LRTM1: variants seen among roughly 807,000 people sequenced by gnomAD.
LRTM1 encodes leucine rich repeat transmembrane protein 1.
Under a neutral mutation model 32.4 loss-of-function variants are expected in LRTM1, and 38 were observed. That is an observed-to-expected ratio of 1.17 (90% CI 0.91 to 1.54). LRTM1 has a LOEUF of 1.54. Ranked by LOEUF, LRTM1 falls within the 40% of genes most tolerant of loss-of-function variation. The probability of loss-of-function intolerance (pLI) is 0.00; values close to 1 mark genes in which losing one functional copy is unlikely to be tolerated. For missense variants in LRTM1, 466 were observed against 415.4 expected, an observed-to-expected ratio of 1.12 and a Z score of -1.06; for synonymous variants, 186 against 169.9, an observed-to-expected ratio of 1.09 and a Z score of -0.74.
At chr3:54,918,987 T>TG in intron 2 of LRTM1, 95 bp from the exon 3 acceptor site, 1 of 989,888 alleles carries the variant, frequency 1.0e-6, no homozygotes, top group Admixed American at 4.1e-5. Flanking sequence ...ATGGAATTTA[T>TG]GAAGTACCTT....
intron 1 of LRTM1, among the ~76,000 whole-genome samples, chr3:54,936,199 C>T (rs1701324522): frequency 6.6e-6 from 1 of 151,794 alleles, no homozygotes; most frequent in Non-Finnish European, 1.5e-5. Flanking sequence ...TAGTAATATA[C>T]ATTAGCTAGT....
At chr3:54,938,468 A>C (rs1161773535) in intron 1 of LRTM1, among the ~76,000 whole-genome samples, 1 of 152,156 alleles carries the variant, frequency 6.6e-6, no homozygotes, top group Non-Finnish European at 1.5e-5. Context: ...ACATAATCCT[A>C]GTTGGTGTTC....
Position 54,924,748 on chromosome 3 carries a change from G to A in LRTM1, c.475C>T (p.Gln159Ter), listed in dbSNP as rs1364372228. 3.1e-6 allele frequency: 5 copies of A among 1,614,028 alleles called. No homozygotes were observed. The Admixed American group carries it at 8.3e-5, about 27-fold the overall frequency. The change falls in exon 2 of 3, where the codon CAG becomes TAG. Residue 159 changes from glutamine to a stop codon, truncating the protein, a stop_gained. Transcript: ENST00000273286. LOFTEE classifies it high-confidence loss of function. The stretch of plus-strand genomic sequence containing the variant: ...TCCAGGAGCGCTCGATCAAGCTGCT[G>A]AAGCTGGTTTTGTTGAACCGCAAGT... Reference protein sequence around the residue: ...TILAVQQNQLQQLDRALLESM... With the variant: ...TILAVQQNQL
chr3:54,935,522 G>A (rs948102846), intron 1 of LRTM1, among the ~76,000 whole-genome samples: 22 of 152,170 alleles, frequency 1.4e-4, no homozygotes, highest in African/African-American at 4.3e-4. Context: ...GCCTCACAGT[G>A]ACACGTTGTT....
chr3:54,939,464 A>T (rs576907091), intron 1 of LRTM1, among the ~76,000 whole-genome samples: 4 of 152,308 alleles, frequency 2.6e-5, no homozygotes, highest in Admixed American at 2.6e-4. Flanking sequence ...AAGGGCCAAG[A>T]CATTCACCTT....
upstream of LRTM1, among the ~76,000 whole-genome samples, chr3:54,929,832 C>T (rs1701141149): frequency 2.6e-5 from 4 of 152,144 alleles, no homozygotes; most frequent in Admixed American, 2.0e-4. Flanking sequence ...GAAATACATA[C>T]ATAACCATCA....
chr3:54,923,509 C>G (rs949492480), intron 2 of LRTM1, among the ~76,000 whole-genome samples: 4 of 152,210 alleles, frequency 2.6e-5, no homozygotes. Context: ...CTTCCCCTGC[C>G]TCATTGTTTC....
intron 1 of LRTM1, among the ~76,000 whole-genome samples, chr3:54,963,345 T>C (rs968834153): frequency 1.3e-5 from 2 of 152,110 alleles, no homozygotes; most frequent in African/African-American, 2.4e-5. Context: ...CCATTTCTTT[T>C]CTATGGTTCC....
At chr3:54,966,188 G>T (rs942347681) in intron 1 of LRTM1, among the ~76,000 whole-genome samples, 3 of 152,074 alleles carry the variant, frequency 2.0e-5, no homozygotes, top group African/African-American at 7.2e-5. Flanking sequence ...GAGATGACAG[G>T]TGGGCCCAGG....
At chr3:54,960,477 CTG>C (rs1702004946) in intron 1 of LRTM1, among the ~76,000 whole-genome samples, 1 of 152,162 alleles carries the variant, frequency 6.6e-6, no homozygotes, top group Non-Finnish European at 1.5e-5. Flanking sequence ...GTTTCTGCTG[CTG>C]TGAGAATTTT....
At chr3:54,957,354 G>T (rs1400366288) in intron 1 of LRTM1, among the ~76,000 whole-genome samples, 2 of 151,936 alleles carry the variant, frequency 1.3e-5, no homozygotes, top group African/African-American at 2.4e-5. Context: ...TCACTCTGTT[G>T]CTCAGGCTGG....
intron 1 of LRTM1, among the ~76,000 whole-genome samples, chr3:54,964,745 A>G (rs369359979): frequency 6.6e-6 from 1 of 152,154 alleles, no homozygotes; most frequent in Non-Finnish European, 1.5e-5. Context: ...GTTTTTCTGA[A>G]TAGAGTTGGC....
At chr3:54,939,282 A>G (rs1701401486) in intron 1 of LRTM1, among the ~76,000 whole-genome samples, 1 of 152,200 alleles carries the variant, frequency 6.6e-6, no homozygotes, top group South Asian at 2.1e-4. Context: ...TACTAAAGAG[A>G]AAATTGAAAC....
intron 2 of LRTM1, among the ~76,000 whole-genome samples, chr3:54,922,176 G>C (rs1283542450): frequency 1.3e-5 from 2 of 152,148 alleles, no homozygotes; most frequent in African/African-American, 4.8e-5. Context: ...GGAACTCCCT[G>C]ACTTAAAACT....
At position 54,944,111 on chromosome 3, in the gene LRTM1, A is replaced by G. The variant is rs34040347; in HGVS notation, c.-221-18896T>C. On this transcript the variant is annotated intron_variant, in intron 1 of 2. Coordinates refer to the LRTM1 transcript ENST00000493075. Reference sequence around the variant, plus strand: ...TGTTTAGGAAGTCTGATATCATACCATTTCCATATCCTTTGGTAGGAACAG... The same window carrying G: ...TGTTTAGGAAGTCTGATATCATACCGTTTCCATATCCTTTGGTAGGAACAG... Among the ~76,000 whole-genome samples, 115 of 152,054 alleles carry G rather than the reference A, an allele frequency of 7.6e-4. 1 individual carries two copies. Among genetic ancestry groups the G allele is most frequent in the Non-Finnish European group, 1.4e-3 (96 of 68,012 alleles).
intron 1 of LRTM1, among the ~76,000 whole-genome samples, chr3:54,933,894 G>C (rs1321480865): frequency 6.6e-6 from 1 of 151,830 alleles, no homozygotes; most frequent in Non-Finnish European, 1.5e-5. Context: ...TCAGCCTCCG[G>C]AGTAGCTGGG....
At chr3:54,938,001 GCTT>G (rs1195090787) in intron 1 of LRTM1, among the ~76,000 whole-genome samples, 2 of 152,338 alleles carry the variant, frequency 1.3e-5, no homozygotes, top group East Asian at 1.9e-4. Flanking sequence ...CCCTCAGTAT[GCTT>G]CTCAGAGGAG....
chr3:54,964,642 T>A (rs749983997), intron 1 of LRTM1, among the ~76,000 whole-genome samples: 36 of 152,124 alleles, frequency 2.4e-4, no homozygotes, highest in Non-Finnish European at 4.3e-4. Context: ...TTTTCTCTGA[T>A]AAAGGTCAAG....
upstream of LRTM1, chr3:54,928,118 C>G: frequency 1.8e-6 from 1 of 567,096 alleles, no homozygotes; most frequent in Non-Finnish European, 3.1e-6. Context: ...CTCCATCTGG[C>G]TGGGATCAGT....
Sources: gnomAD v4.1 joint callset for allele counts (sites outside exome capture counted in the v4.1 genomes callset) on GRCh38, gnomAD v4.1.1 for gene constraint, MANE v1.5 for transcripts, NCBI Gene and HGNC (gene_info 2026-07-23, HGNC 2026-07-21) for gene names.